PRKCA: variants seen among roughly 807,000 people sequenced by gnomAD.
PRKCA encodes the protein protein kinase C alpha.
Under a neutral mutation model 87.0 loss-of-function variants are expected in PRKCA, and 27 were observed. The observed-to-expected ratio is 0.31, with a 90% CI of 0.23 to 0.43. The LOEUF (loss-of-function observed/expected upper bound fraction) is 0.43. Ranked by LOEUF, PRKCA falls within the 20% of genes least tolerant of loss-of-function variation. The probability of loss-of-function intolerance (pLI) is 1.00; values close to 1 mark genes in which losing one functional copy is unlikely to be tolerated. For missense variants in PRKCA, 518 were observed against 852.3 expected (o/e 0.61, Z 4.88); for synonymous variants, 329 against 311.1 (o/e 1.06, Z -0.61).
intron 13 of PRKCA, among the ~76,000 whole-genome samples, chr17:66,752,558 A>G (rs1974460663): frequency 6.6e-6 from 1 of 152,204 alleles, no homozygotes; most frequent in African/African-American, 2.4e-5. Flanking sequence ...AGATCATGCC[A>G]GTGCTCTCCA....
intron 13 of PRKCA, among the ~76,000 whole-genome samples, chr17:66,769,750 G>A (rs1369457787): frequency 6.6e-6 from 1 of 152,214 alleles, no homozygotes; most frequent in Non-Finnish European, 1.5e-5. Context: ...TATTATTTTA[G>A]AGAACAGCCC....
At chr17:66,537,930 C>A (rs988402066) in intron 3 of PRKCA, among the ~76,000 whole-genome samples, 4 of 152,130 alleles carry the variant, frequency 2.6e-5, no homozygotes, top group African/African-American at 9.6e-5. Flanking sequence ...CTCAGCTTCC[C>A]GAGTGGCTGG....
At chr17:66,422,698 G>A (rs1018168026) in intron 2 of PRKCA, among the ~76,000 whole-genome samples, 5 of 152,280 alleles carry the variant, frequency 3.3e-5, no homozygotes, top group South Asian at 2.1e-4. Flanking sequence ...AAGAGAGCCC[G>A]TGTCAAACCA....
chr17:66,793,929 C>G (rs1975605461), intron 16 of PRKCA, among the ~76,000 whole-genome samples: 1 of 152,210 alleles, frequency 6.6e-6, no homozygotes. Context: ...AATGAAATGG[C>G]CAAGAACAGC....
At chr17:66,628,069 T>C (rs957970861) in intron 3 of PRKCA, among the ~76,000 whole-genome samples, 3 of 152,004 alleles carry the variant, frequency 2.0e-5, no homozygotes, top group African/African-American at 7.2e-5. Flanking sequence ...ACATATCACT[T>C]TTTAGCTAAG....
chr17:66,614,074 A>G (rs1428859869), intron 3 of PRKCA, among the ~76,000 whole-genome samples: 1 of 152,074 alleles, frequency 6.6e-6, no homozygotes, highest in African/African-American at 2.4e-5. Flanking sequence ...TACAGGCATG[A>G]GCCACCATGC....
chr17:66,578,914 C>T (rs889552287), intron 3 of PRKCA, among the ~76,000 whole-genome samples: 3 of 152,242 alleles, frequency 2.0e-5, no homozygotes, highest in Non-Finnish European at 4.4e-5. Flanking sequence ...GCGCAGCTCG[C>T]CAGGCAGGCC....
chr17:66,338,987 C>G (rs1906874672), intron 2 of PRKCA, among the ~76,000 whole-genome samples: 1 of 152,092 alleles, frequency 6.6e-6, no homozygotes, highest in Admixed American at 6.5e-5. Context: ...TGCTGGCATT[C>G]CTTAGACATT....
chr17:66,437,220 G>A (rs1294405752), intron 2 of PRKCA, among the ~76,000 whole-genome samples: 1 of 152,184 alleles, frequency 6.6e-6, no homozygotes, highest in African/African-American at 2.4e-5. Context: ...TGAGCAGGTG[G>A]AGAGGACCTT....
intron 8 of PRKCA, among the ~76,000 whole-genome samples, chr17:66,691,761 A>G (rs7226246): frequency 0.012 from 1,294 of 111,892 alleles, 22 homozygotes; most frequent in African/African-American, 0.034. Context: ...TCACTGGGTC[A>G]GGGGCTGTTG....
At chr17:66,401,464 G>T (rs1911024076) in intron 2 of PRKCA, among the ~76,000 whole-genome samples, 1 of 152,204 alleles carries the variant, frequency 6.6e-6, no homozygotes, top group South Asian at 2.1e-4. Context: ...TGAGGCCAAA[G>T]AAGTTGGCTG....
chr17:66,729,780 C>CTTTTTTTTTTTTTTTTTTTTTTTTTTTT (rs60247180), intron 8 of PRKCA, among the ~76,000 whole-genome samples: 2 of 105,106 alleles, frequency 1.9e-5, no homozygotes, highest in Non-Finnish European at 3.5e-5. Flanking sequence ...GCGAGTTATT[C>CTTTTTTTTTTTTTTTTTTTTTTTTTTTT]TTTTTTTTTT....
rs137984685 is a variant in PRKCA at position 66,558,110 on chromosome 17, G to A, written c.288+61827G>A. ...AATAGCTGTACATTCAGGAATGCTC[G>A]TGAAATGTGGCAGGGCCTTGCCCTC... is the stretch of plus-strand genomic sequence containing the variant. On this transcript the variant is annotated intron_variant, in intron 3 of 16. Transcript: ENST00000413366. Among the ~76,000 whole-genome samples, 521 of 152,342 alleles carry A rather than the reference G, an allele frequency of 3.4e-3. 3 individuals are homozygous for A. Among genetic ancestry groups the A allele is most frequent in the African/African-American group, 0.011 (477 of 41,580 alleles).
rs532780013 is a variant in PRKCA at position 66,339,230 on chromosome 17, A to G, written c.205+33103A>G. Among the ~76,000 whole-genome samples, 15 of 152,338 alleles carry G rather than the reference A, an allele frequency of 9.8e-5. No homozygotes were observed. The South Asian group carries it at 1.7e-3, about 17-fold the overall frequency. On this transcript the variant is annotated intron_variant, in intron 2 of 16. Coordinates refer to ENST00000413366, the MANE Select transcript of PRKCA (RefSeq NM_002737.3). ...AGTTATAACCTTCCAGAGTGTTACA[A>G]AGTTTCCAGTCTATTCTTCCTATGT... is the stretch of plus-strand genomic sequence containing the variant.
intron 3 of PRKCA, among the ~76,000 whole-genome samples, chr17:66,520,670 G>A (rs12940544): frequency 6.6e-6 from 1 of 152,134 alleles, no homozygotes; most frequent in South Asian, 2.1e-4. Flanking sequence ...CTAAATTTCA[G>A]GTATCCAGAT....
intron 3 of PRKCA, among the ~76,000 whole-genome samples, chr17:66,558,162 G>A (rs1306387447): frequency 6.6e-6 from 1 of 152,242 alleles, no homozygotes; most frequent in African/African-American, 2.4e-5. Context: ...GGCTCCTGAT[G>A]GTCGGTTTGA....
At chr17:66,784,871 C>A (rs59077943) in intron 14 of PRKCA, among the ~76,000 whole-genome samples, 11,411 of 152,182 alleles carry the variant, frequency 0.075, 505 homozygotes, top group African/African-American at 0.12. Flanking sequence ...TGGGTGCCCC[C>A]CCAAGCTGCC....
chr17:66,414,171 C>T (rs529998913), intron 2 of PRKCA, among the ~76,000 whole-genome samples: 1 of 152,244 alleles, frequency 6.6e-6, no homozygotes, highest in Non-Finnish European at 1.5e-5. Flanking sequence ...ACCCACATCT[C>T]ATAGGAATTG....
At chr17:66,563,501 A>G (rs1474653331) in intron 3 of PRKCA, among the ~76,000 whole-genome samples, 1 of 152,192 alleles carries the variant, frequency 6.6e-6, no homozygotes, top group East Asian at 1.9e-4. Flanking sequence ...TTGACTTGAT[A>G]GTTCATTTCT....
Sources: gnomAD v4.1 joint callset for allele counts (sites outside exome capture counted in the v4.1 genomes callset) on GRCh38, gnomAD v4.1.1 for gene constraint, MANE v1.5 for transcripts, NCBI Gene and HGNC (gene_info 2026-07-23, HGNC 2026-07-21) for gene names.